HSF2BP: variants seen among roughly 807,000 people sequenced by gnomAD.
The protein encoded by HSF2BP is heat shock factor 2-binding protein.
A neutral mutation model predicts 35.0 loss-of-function variants in HSF2BP; 35 were observed. That is an observed-to-expected ratio of 1.00 (90% CI 0.76 to 1.32). HSF2BP has a LOEUF of 1.32. HSF2BP is among the 40% of genes most tolerant of loss of function. The pLI is 0.00. For synonymous variants in HSF2BP, 114 were observed against 117.4 expected, an observed-to-expected ratio of 0.97 and a Z score of 0.18; for missense variants, 326 against 321.7, an observed-to-expected ratio of 1.01 and a Z score of -0.10.
chr21:43,582,006 T>G (rs370890398), intron 8 of HSF2BP, among the ~76,000 whole-genome samples: 1,336 of 17,972 alleles, frequency 0.074, no homozygotes, highest in Admixed American at 0.091. Flanking sequence ...GGGAGATGAG[T>G]GCCTGCTGTG....
At chr21:43,657,989 G>A (rs2082901297) in intron 2 of HSF2BP, 72 bp downstream of exon 2, 2 of 1,531,850 alleles carry the variant, frequency 1.3e-6, no homozygotes, top group Non-Finnish European at 1.7e-6. Flanking sequence ...CGAGCGCACG[G>A]GGCGAGGCCC....
At chr21:43,572,887 AC>A (rs2081594088) in intron 8 of HSF2BP, among the ~76,000 whole-genome samples, 1 of 152,228 alleles carries the variant, frequency 6.6e-6, no homozygotes, top group South Asian at 2.1e-4. Flanking sequence ...TTTGGATTAC[AC>A]CCAAATCAAT....
intron 5 of HSF2BP, among the ~76,000 whole-genome samples, chr21:43,632,792 G>A (rs1315103785): frequency 1.3e-5 from 2 of 152,208 alleles, no homozygotes; most frequent in Admixed American, 6.5e-5. Flanking sequence ...AGTAGAGAGA[G>A]TCAAAAGTTC....
chr21:43,599,362 G>C (rs1337421021), intron 7 of HSF2BP, among the ~76,000 whole-genome samples: 1 of 152,082 alleles, frequency 6.6e-6, no homozygotes, highest in Non-Finnish European at 1.5e-5. Flanking sequence ...CCAAAAAACT[G>C]TTTCTTATGC....
At chr21:43,585,294 T>C (rs552070116) in intron 8 of HSF2BP, among the ~76,000 whole-genome samples, 1 of 152,296 alleles carries the variant, frequency 6.6e-6, no homozygotes, top group Non-Finnish European at 1.5e-5. Flanking sequence ...TAGGTGACAC[T>C]GCAAGACACT....
chr21:43,605,553 T>A (rs2082124336), intron 7 of HSF2BP, among the ~76,000 whole-genome samples: 2 of 131,066 alleles, frequency 1.5e-5, no homozygotes, highest in Non-Finnish European at 1.6e-5. Context: ...ACCCTCCACA[T>A]GTACATACAC....
At chr21:43,611,386 G>A (rs551344628) in intron 7 of HSF2BP, among the ~76,000 whole-genome samples, 10 of 152,272 alleles carry the variant, frequency 6.6e-5, no homozygotes, top group South Asian at 2.1e-4. Context: ...CTCCAGTCTC[G>A]CTTCCACTGA....
chr21:43,656,482 G>T, intron 3 of HSF2BP, 105 bp downstream of exon 3: 2 of 1,058,254 alleles, frequency 1.9e-6, no homozygotes, highest in Non-Finnish European at 2.8e-6. Flanking sequence ...ATCATCACAA[G>T]GACTGTAAGA....
intron 6 of HSF2BP, among the ~76,000 whole-genome samples, chr21:43,623,492 C>A (rs1320719179): frequency 4.6e-5 from 7 of 152,118 alleles, no homozygotes; most frequent in African/African-American, 1.2e-4. Context: ...CTAAAAAATG[C>A]AGAAAATTAA....
chr21:43,630,534 G>C, intron 5 of HSF2BP, 80 bp from the exon 6 acceptor site: 1 of 1,448,044 alleles, frequency 6.9e-7, no homozygotes. Context: ...GGATACAGAA[G>C]ATTCTAGTTT....
At chr21:43,653,635 GT>G (rs2082826796) in intron 3 of HSF2BP, among the ~76,000 whole-genome samples, 2 of 152,290 alleles carry the variant, frequency 1.3e-5, no homozygotes, top group South Asian at 4.1e-4. Flanking sequence ...GGGTTTTTAG[GT>G]TTTTGCTCTT....
rs147262600 is a variant in HSF2BP at position 43,584,207 on chromosome 21, G to A, written c.796+8018C>T. ...TGAGGACCTGCTGAGGGAGATGAAG[G>A]GCCTGCTGAGGGACATGAAGACCTG... is the stretch of plus-strand genomic sequence containing the variant. On this transcript the variant is annotated intron_variant, in intron 8 of 8. Coordinates refer to ENST00000291560, the MANE Select transcript of HSF2BP (RefSeq NM_007031.2). Among the ~76,000 whole-genome samples, 391 of 152,014 alleles carry A rather than the reference G, an allele frequency of 2.6e-3. 1 individual carries two copies. Among genetic ancestry groups the A allele is most frequent in the African/African-American group, 8.7e-3 (360 of 41,448 alleles).
chr21:43,577,556 G>A (rs1248765517), intron 8 of HSF2BP, among the ~76,000 whole-genome samples: 2 of 152,174 alleles, frequency 1.3e-5, no homozygotes, highest in Non-Finnish European at 2.9e-5. Context: ...GGCATTCGGG[G>A]CCACAGGCTT....
At chr21:43,600,525 C>A (rs1386201487) in intron 7 of HSF2BP, among the ~76,000 whole-genome samples, 3 of 152,150 alleles carry the variant, frequency 2.0e-5, no homozygotes, top group Admixed American at 6.5e-5. Flanking sequence ...CCAAATTATT[C>A]TTGACAGAAA....
chr21:43,642,614 C>A (rs935901951), intron 4 of HSF2BP, among the ~76,000 whole-genome samples: 4 of 151,932 alleles, frequency 2.6e-5, no homozygotes, highest in African/African-American at 9.7e-5. Context: ...CAGGGGCTTC[C>A]CTCTATATTA....
intron 7 of HSF2BP, among the ~76,000 whole-genome samples, chr21:43,605,022 TCA>T (rs2082113829): frequency 1.2e-5 from 1 of 80,254 alleles, no homozygotes; most frequent in South Asian, 4.5e-4. Flanking sequence ...CACACACACA[TCA>T]CACACACCAC....
intron 3 of HSF2BP, 68 bp from the exon 4 acceptor site, chr21:43,644,460 G>A (rs2082682387): frequency 2.3e-5 from 29 of 1,274,044 alleles, no homozygotes; most frequent in Non-Finnish European, 3.3e-5. Flanking sequence ...CATCTATTTT[G>A]CCCAGTCTTG....
intron 3 of HSF2BP, among the ~76,000 whole-genome samples, chr21:43,655,115 C>A (rs2082848745): frequency 1.3e-5 from 2 of 152,106 alleles, no homozygotes. Context: ...ACTCATGAGA[C>A]CCTGATGTAT....
the HSF2BP span, among the ~76,000 whole-genome samples, chr21:43,468,173 A>ACTCAC: frequency 0.33 from 2 of 6 alleles, 1 homozygote; most frequent in Non-Finnish European, 0.33. Flanking sequence ...NNNNNNNNCT[A>ACTCAC]CACATCACAC....
Sources: allele counts gnomAD v4.1 joint callset (sites outside exome capture counted in the v4.1 genomes callset), GRCh38; gene constraint gnomAD v4.1.1; transcripts MANE v1.5; gene names NCBI Gene and HGNC (gene_info 2026-07-23, HGNC 2026-07-21).